LRP1B: variants seen among roughly 807,000 people sequenced by gnomAD.
LRP1B encodes the protein low-density lipoprotein receptor-related protein 1B.
LRP1B carries 217 observed loss-of-function variants against 556.6 expected under a neutral mutation model. The ratio of observed to expected loss-of-function variants is 0.39; its 90% CI spans 0.35 to 0.44. The LOEUF (loss-of-function observed/expected upper bound fraction) is 0.44. LRP1B is among the 20% of genes least tolerant of loss of function. The pLI is 1.00. For missense variants in LRP1B, 5,053 were observed against 5,620.8 expected, an observed-to-expected ratio of 0.90 and a Z score of 3.23; for synonymous variants, 2,047 against 1,865.8, an observed-to-expected ratio of 1.10 and a Z score of -2.50.
At chr2:141,627,103 C>A (rs879191491) in intron 2 of LRP1B, among the ~76,000 whole-genome samples, 1 of 152,310 alleles carries the variant, frequency 6.6e-6, no homozygotes, top group Non-Finnish European at 1.5e-5. Flanking sequence ...GCATTGCAAT[C>A]TTTTTTGGTG....
intron 3 of LRP1B, among the ~76,000 whole-genome samples, chr2:141,288,395 C>T (rs187478143): frequency 6.6e-6 from 1 of 152,080 alleles, no homozygotes; most frequent in East Asian, 1.9e-4. Flanking sequence ...CTCCACAATG[C>T]AGTGAAAATG....
At chr2:141,171,552 C>T (rs1680498295) in intron 7 of LRP1B, among the ~76,000 whole-genome samples, 1 of 142,998 alleles carries the variant, frequency 7.0e-6, no homozygotes, top group Non-Finnish European at 1.5e-5. Flanking sequence ...TTGTCAAGTG[C>T]CATTTACCAC....
At chr2:141,761,359 CA>C (rs11355588) in intron 2 of LRP1B, among the ~76,000 whole-genome samples, 121,477 of 148,272 alleles carry the variant, frequency 0.82, 51,454 homozygotes, top group Middle Eastern at 0.94. Context: ...AATCCTAAGT[CA>C]AAAAAAAAAA....
intron 10 of LRP1B, among the ~76,000 whole-genome samples, chr2:141,051,220 G>A (rs1316380678): frequency 8.5e-5 from 13 of 152,142 alleles, no homozygotes; most frequent in Middle Eastern, 3.4e-3. Context: ...ACAGTGTGGC[G>A]ATCCCTCAAG....
chr2:141,280,393 T>C (rs1685467752), intron 3 of LRP1B, among the ~76,000 whole-genome samples: 1 of 152,034 alleles, frequency 6.6e-6, no homozygotes, highest in South Asian at 2.1e-4. Context: ...TCTCTGCAAA[T>C]ATGATTTAAC....
chr2:141,084,652 CT>C (rs11311266), intron 7 of LRP1B, among the ~76,000 whole-genome samples: 66,740 of 136,652 alleles, frequency 0.49, 15,862 homozygotes, highest in Middle Eastern at 0.53. Flanking sequence ...ACTTCTGTTT[CT>C]TTTTTTTTTT....
chr2:140,695,957 T>C (rs1686415651), intron 41 of LRP1B, among the ~76,000 whole-genome samples: 1 of 152,192 alleles, frequency 6.6e-6, no homozygotes, highest in African/African-American at 2.4e-5. Context: ...CTTTATCCCA[T>C]CCATTTCTTA....
intron 3 of LRP1B, among the ~76,000 whole-genome samples, chr2:141,316,006 T>C (rs1207482358): frequency 2.0e-5 from 3 of 149,790 alleles, no homozygotes; most frequent in East Asian, 2.0e-4. Context: ...AGAGTTTTAC[T>C]ATAGGGCTCA....
At chr2:141,174,502 C>T (rs955673201) in intron 7 of LRP1B, among the ~76,000 whole-genome samples, 1 of 152,066 alleles carries the variant, frequency 6.6e-6, no homozygotes, top group Non-Finnish European at 1.5e-5. Context: ...TCTGATGACA[C>T]TTTCCCCGTT....
chr2:141,039,138 C>T (rs1194888999), intron 11 of LRP1B, among the ~76,000 whole-genome samples: 3 of 152,126 alleles, frequency 2.0e-5, no homozygotes, highest in East Asian at 1.9e-4. Flanking sequence ...CTGCTTAGCA[C>T]GGGAATCATT....
At chr2:140,826,723 T>C (rs1291640769) in intron 31 of LRP1B, among the ~76,000 whole-genome samples, 1 of 152,124 alleles carries the variant, frequency 6.6e-6, no homozygotes, top group Admixed American at 6.5e-5. Context: ...CCCTAGCATC[T>C]TGGATCCCCT....
chr2:140,340,754 T>G (rs1681349121), intron 77 of LRP1B, among the ~76,000 whole-genome samples: 1 of 151,438 alleles, frequency 6.6e-6, no homozygotes, highest in African/African-American at 2.4e-5. Context: ...AAATTAAGCC[T>G]ACACGGTTTG....
At chr2:140,419,057 T>C (rs1045206150) in intron 66 of LRP1B, among the ~76,000 whole-genome samples, 1 of 152,140 alleles carries the variant, frequency 6.6e-6, no homozygotes, top group Non-Finnish European at 1.5e-5. Context: ...TTATTTCACA[T>C]CACTGCTATT....
chr2:142,128,343 T>C (rs1255475894), intron 1 of LRP1B, among the ~76,000 whole-genome samples: 1 of 152,190 alleles, frequency 6.6e-6, no homozygotes, highest in African/African-American at 2.4e-5. Flanking sequence ...CAGTTAGCTC[T>C]TGCACTACAA....
intron 7 of LRP1B, among the ~76,000 whole-genome samples, chr2:141,183,616 T>C (rs1228549072): frequency 6.6e-6 from 1 of 151,994 alleles, no homozygotes; most frequent in Non-Finnish European, 1.5e-5. Flanking sequence ...CACAAATAAA[T>C]CCTACAGATC....
intron 41 of LRP1B, among the ~76,000 whole-genome samples, chr2:140,616,375 A>G (rs1421412834): frequency 6.6e-6 from 1 of 151,926 alleles, no homozygotes; most frequent in Non-Finnish European, 1.5e-5. Context: ...ATGTCCCAAC[A>G]TTCTCAATTT....
rs1686562774 is a variant in LRP1B at position 140,444,377 on chromosome 2, C to T, written c.10247G>A (p.Cys3416Tyr). ...NQKCIPVNLR[C>Y]NGQDDCGDEE... ...ATCACCACAGTCATCTTGCCCATTACATCTTAAGTTTACTGGGATACATTT... is the reference window on the plus strand; with the variant it reads ...ATCACCACAGTCATCTTGCCCATTATATCTTAAGTTTACTGGGATACATTT... The change falls in exon 65 of 91, where the codon TGT becomes TAT. Residue 3416 changes from cysteine to tyrosine, a missense_variant. Cys to Tyr is a radical substitution (Grantham distance 194). Around this residue, in one of 5 missense-constraint regions of LRP1B, gnomAD observed 262 missense variants for 395.1 expected, o/e 0.66. Coordinates refer to ENST00000389484, the MANE Select transcript of LRP1B (RefSeq NM_018557.3). The T allele has an allele frequency of 6.2e-7, 1 of 1,613,712 alleles. No homozygotes were observed. The highest frequency in any genetic ancestry group is 8.5e-7 in the Non-Finnish European group (1 of 1,179,798).
chr2:140,522,050 G>C (rs1041793512), intron 49 of LRP1B, among the ~76,000 whole-genome samples: 1 of 151,954 alleles, frequency 6.6e-6, no homozygotes, highest in East Asian at 1.9e-4. Context: ...AACTAACAAG[G>C]AAATTCTGAA....
chr2:140,250,256 T>C (rs1006202215), intron 86 of LRP1B, among the ~76,000 whole-genome samples: 1 of 151,848 alleles, frequency 6.6e-6, no homozygotes, highest in Non-Finnish European at 1.5e-5. Context: ...ATCAGCTTTA[T>C]CTTATGTGCT....
Sources: allele counts gnomAD v4.1 joint callset (sites outside exome capture counted in the v4.1 genomes callset), GRCh38; gene constraint gnomAD v4.1.1; regional missense constraint gnomAD v4.1.1; transcripts MANE v1.5; gene names NCBI Gene and HGNC (gene_info 2026-07-23, HGNC 2026-07-21).